The following REV1 variants were observed in gnomAD, a reference collection of about 807,000 sequenced individuals.
REV1 encodes translesion synthesis protein REV1.
Under a neutral mutation model 137.4 loss-of-function variants are expected in REV1, and 42 were observed. That is an observed-to-expected ratio of 0.31 (90% confidence interval 0.24 to 0.40). The LOEUF (loss-of-function observed/expected upper bound fraction) is 0.40. REV1 is among the 10% of genes least tolerant of loss of function. REV1 has a pLI of 1.00. For missense variants in REV1, 1,282 were observed against 1,490.1 expected, an observed-to-expected ratio of 0.86 and a Z score of 2.30; for synonymous variants, 524 against 519.2, an observed-to-expected ratio of 1.01 and a Z score of -0.12.
chr2:99,469,043 G>A (rs1188567005), intron 1 of REV1, among the ~76,000 whole-genome samples: 2 of 152,164 alleles, frequency 1.3e-5, no homozygotes, highest in Non-Finnish European at 2.9e-5. Flanking sequence ...ACAGCACTGA[G>A]CCTAACATTT....
chr2:99,434,142 T>C (rs985728757), intron 8 of REV1, among the ~76,000 whole-genome samples, 190 bp downstream of exon 8: 3 of 152,222 alleles, frequency 2.0e-5, no homozygotes, highest in African/African-American at 7.2e-5. Context: ...TAAAACATTC[T>C]TCACTCTCTA....
Position 99,403,127 on chromosome 2 carries a change from G to A in REV1, c.3167-21C>T, listed in dbSNP as rs377402840. ...TGGCACTAAGAGCAGATGGATATAA[G>A]ATCCTCAACAAAATGATAGTATGGA... is the stretch of plus-strand genomic sequence containing the variant. On this transcript the variant is annotated intron_variant, in intron 19 of 22. Transcript: ENST00000258428. 1.9e-5 allele frequency: 29 copies of A among 1,530,446 alleles called. No homozygotes were observed. In the African/African-American group the frequency reaches 4.0e-4, roughly 21 times the overall value. 94.8% of individuals were successfully genotyped at this position (1,530,446 alleles called of 1,614,324 possible).
chr2:99,454,604 G>A (rs1285335353), intron 3 of REV1, among the ~76,000 whole-genome samples: 5 of 137,366 alleles, frequency 3.6e-5, no homozygotes, highest in African/African-American at 1.4e-4. Context: ...CAAAAATTAC[G>A]TGTGGTGGCA....
intron 2 of REV1, among the ~76,000 whole-genome samples, chr2:99,464,094 T>G (rs190345982): frequency 6.6e-6 from 1 of 152,364 alleles, no homozygotes; most frequent in African/African-American, 2.4e-5. Context: ...ATCAATCTAT[T>G]TGATAGTAAT....
chr2:99,474,087 G>T (rs1256662256), intron 1 of REV1, among the ~76,000 whole-genome samples: 1 of 152,134 alleles, frequency 6.6e-6, no homozygotes, highest in African/African-American at 2.4e-5. Flanking sequence ...CCTATTAACT[G>T]ACACTTTATA....
intron 4 of REV1, 148 bp from the exon 5 acceptor site, chr2:99,442,617 G>T: frequency 1.4e-6 from 1 of 716,448 alleles, no homozygotes; most frequent in Non-Finnish European, 2.3e-6. Context: ...CGGTTTTAGT[G>T]GTCCTAATAC....
chr2:99,456,429 C>T (rs1487580389), intron 3 of REV1, among the ~76,000 whole-genome samples: 1 of 152,146 alleles, frequency 6.6e-6, no homozygotes, highest in African/African-American at 2.4e-5. Flanking sequence ...TAGAGAGCGA[C>T]TGGAGGGCAA....
chr2:99,473,640 GTTTTT>G (rs757235278), intron 1 of REV1, among the ~76,000 whole-genome samples: 6 of 151,286 alleles, frequency 4.0e-5, no homozygotes, highest in African/African-American at 9.8e-5. Flanking sequence ...CACTTTATGT[GTTTTT>G]TTTACACCTT....
Position 99,434,306 on chromosome 2 carries a change from A to T in REV1, c.1438+26T>A, listed in dbSNP as rs761684531. 1.2e-4 allele frequency: 171 copies of T among 1,485,204 alleles called. 1 individual carries two copies. The highest frequency in any genetic ancestry group is 1.5e-4 in the Non-Finnish European group (163 of 1,084,696). The allele number at this position is 1,485,204 out of a possible 1,614,324, so 92.0% of individuals were successfully genotyped here. On this transcript the variant is annotated intron_variant, in intron 8 of 22. Coordinates refer to ENST00000258428, the MANE Select transcript of REV1 (RefSeq NM_016316.4). ...CCAGAAGCCATCCACAGGAGCACTA[A>T]GACTTCAAAGAGAGCTCATTTGTAC...
chr2:99,407,027 C>A (rs1676395806), intron 15 of REV1: 1 of 146,410 alleles, frequency 6.8e-6, no homozygotes, highest in Admixed American at 7.1e-5. Flanking sequence ...CACATCAAGC[C>A]AGAACAACCC....
intron 1 of REV1, among the ~76,000 whole-genome samples, chr2:99,479,237 G>T (rs1211898868): frequency 1.4e-5 from 2 of 147,392 alleles, no homozygotes; most frequent in Non-Finnish European, 3.0e-5. Context: ...TGAGGCAGAA[G>T]AACTGCTTGA....
intron 1 of REV1, among the ~76,000 whole-genome samples, 160 bp downstream of exon 1, chr2:99,489,657 G>A (rs1357676947): frequency 1.3e-5 from 2 of 149,308 alleles, no homozygotes; most frequent in Non-Finnish European, 3.0e-5. Flanking sequence ...GGCCGCGACA[G>A]GACGGCCGCG....
intron 13 of REV1, among the ~76,000 whole-genome samples, chr2:99,412,101 C>T (rs1220120755): frequency 1.3e-5 from 2 of 151,496 alleles, no homozygotes; most frequent in Non-Finnish European, 2.9e-5. Flanking sequence ...GGCGTGGTGG[C>T]GGGTGCCTGT....
intron 1 of REV1, among the ~76,000 whole-genome samples, chr2:99,489,535 TGGCGGCGGCGCGGGGCC>T (rs1687470983): frequency 6.8e-6 from 1 of 146,852 alleles, no homozygotes; most frequent in Admixed American, 6.7e-5. Context: ...CCCATGGGGC[TGGCGGCGGCGCGGGGCC>T]GGCCGCGCCA....
At chr2:99,411,739 T>G (rs1329887576) in intron 13 of REV1, among the ~76,000 whole-genome samples, 1 of 151,468 alleles carries the variant, frequency 6.6e-6, no homozygotes. Flanking sequence ...CATCACTGAC[T>G]TGTCGAAAAT....
At chr2:99,431,778 C>A in intron 8 of REV1, 1 of 985,430 alleles carries the variant, frequency 1.0e-6, no homozygotes, top group Non-Finnish European at 1.2e-6. Flanking sequence ...GGTCCCTCCA[C>A]GAGCGGAGTG....
chr2:99,462,423 A>C, intron 3 of REV1, 73 bp downstream of exon 3: 2 of 1,389,764 alleles, frequency 1.4e-6, no homozygotes, highest in East Asian at 4.7e-5. Context: ...GTAAAAATAG[A>C]ATTTTAAAAC....
chr2:99,453,633 A>T (rs1390344209), intron 3 of REV1, among the ~76,000 whole-genome samples: 1 of 152,060 alleles, frequency 6.6e-6, no homozygotes, highest in East Asian at 1.9e-4. Context: ...GGCGGCTCAC[A>T]CCTATAATCC....
chr2:99,425,904 C>T (rs890724032), intron 9 of REV1, among the ~76,000 whole-genome samples: 1 of 151,950 alleles, frequency 6.6e-6, no homozygotes, highest in South Asian at 2.1e-4. Flanking sequence ...GAAGTGGTGG[C>T]GCATGCCTGT....
Sources: gnomAD v4.1 joint callset for allele counts (sites outside exome capture counted in the v4.1 genomes callset) on GRCh38, gnomAD v4.1.1 for gene constraint, MANE v1.5 for transcripts, NCBI Gene and HGNC (gene_info 2026-07-23, HGNC 2026-07-21) for gene names.